The following RBMS1 variants were observed in gnomAD, a reference collection of about 807,000 sequenced individuals.
RBMS1 encodes RNA-binding motif, single-stranded-interacting protein 1.
RBMS1 carries 17 observed loss-of-function variants against 62.3 expected under a neutral mutation model. The ratio of observed to expected loss-of-function variants is 0.27; its 90% CI spans 0.19 to 0.41. The LOEUF is 0.41. Among genes scored for constraint, RBMS1 ranks in the 10% least tolerant of loss-of-function variants. RBMS1 has a pLI of 1.00. For missense variants in RBMS1, 334 were observed against 504.5 expected (o/e 0.66, Z 3.24); for synonymous variants, 172 against 170.0 (o/e 1.01, Z -0.09).
At chr2:160,396,988 C>T (rs1695181777) in intron 1 of RBMS1, among the ~76,000 whole-genome samples, 1 of 152,204 alleles carries the variant, frequency 6.6e-6, no homozygotes, top group South Asian at 2.1e-4. Context: ...CATTGTCTTT[C>T]TTGATTTCAC....
In RBMS1 at chr2:160,281,374, G is replaced by A; in HGVS notation, c.901-10C>T. 6.3e-7 allele frequency: 1 copy of A among 1,599,282 alleles called. No homozygotes were observed. Among genetic ancestry groups the A allele is most frequent in the Non-Finnish European group, 8.6e-7 (1 of 1,168,628 alleles). ...ACGAAGGACTTTGCACCTAGAAAAG[G>A]GAGGATTTTGAAAGAAATATTGATT... On this transcript the variant is annotated splice_polypyrimidine_tract_variant and intron_variant, in intron 9 of 13. Transcript: ENST00000348849.
intron 2 of RBMS1, among the ~76,000 whole-genome samples, chr2:160,354,402 A>G (rs2106009480): frequency 6.6e-6 from 1 of 152,210 alleles, no homozygotes; most frequent in Admixed American, 6.5e-5. Flanking sequence ...AGGGGCATTG[A>G]AATAGGTTAA....
intron 1 of RBMS1, among the ~76,000 whole-genome samples, chr2:160,478,987 C>T (rs1233607535): frequency 1.3e-5 from 2 of 152,150 alleles, no homozygotes; most frequent in Non-Finnish European, 2.9e-5. Flanking sequence ...TTCCCATCAG[C>T]GTGGTGAACG....
intron 6 of RBMS1, among the ~76,000 whole-genome samples, chr2:160,296,641 G>A (rs1218511550): frequency 6.6e-6 from 1 of 152,168 alleles, no homozygotes; most frequent in Admixed American, 6.5e-5. Context: ...TCTTGGCTGT[G>A]TCTCATGTGA....
chr2:160,407,370 G>A, intron 1 of RBMS1: 1 of 985,648 alleles, frequency 1.0e-6, no homozygotes, highest in Non-Finnish European at 1.2e-6. Context: ...CCGCCCAGCC[G>A]GTCCCTCCGA....
intron 1 of RBMS1, among the ~76,000 whole-genome samples, chr2:160,389,319 A>G (rs1694737370): frequency 6.6e-6 from 1 of 152,238 alleles, no homozygotes; most frequent in South Asian, 2.1e-4. Flanking sequence ...CATAAATGCT[A>G]TTGTTACAAA....
At chr2:160,380,393 G>C (rs1694221497) in intron 1 of RBMS1, among the ~76,000 whole-genome samples, 1 of 152,104 alleles carries the variant, frequency 6.6e-6, no homozygotes, top group Non-Finnish European at 1.5e-5. Context: ...AGGGCAGACA[G>C]GAACAGCATT....
intron 2 of RBMS1, among the ~76,000 whole-genome samples, chr2:160,332,565 A>C (rs1691339942): frequency 6.6e-6 from 1 of 152,236 alleles, no homozygotes; most frequent in Non-Finnish European, 1.5e-5. Context: ...CTGCTGAATT[A>C]GCAGAACACA....
chr2:160,407,843 G>C, intron 1 of RBMS1: 3 of 981,292 alleles, frequency 3.1e-6, no homozygotes, highest in Non-Finnish European at 3.6e-6. Context: ...CGACTCTCCC[G>C]GCGGCAGCGG....
At chr2:160,358,266 G>A (rs191534300) in intron 2 of RBMS1, among the ~76,000 whole-genome samples, 1 of 152,182 alleles carries the variant, frequency 6.6e-6, no homozygotes, top group Admixed American at 6.5e-5. Context: ...AACCTTACTG[G>A]AATACTGTCC....
intron 1 of RBMS1, among the ~76,000 whole-genome samples, chr2:160,427,305 T>C (rs1278834696): frequency 1.3e-5 from 2 of 152,282 alleles, no homozygotes; most frequent in East Asian, 3.9e-4. Context: ...CCATCATAGC[T>C]AAAACTGTAC....
At chr2:160,312,935 T>G (rs1690011143) in intron 4 of RBMS1, among the ~76,000 whole-genome samples, 1 of 152,132 alleles carries the variant, frequency 6.6e-6, no homozygotes, top group South Asian at 2.1e-4. Flanking sequence ...CTATGTAAAT[T>G]TTATATATTT....
chr2:160,329,258 T>C (rs1457911595), intron 2 of RBMS1, among the ~76,000 whole-genome samples: 3 of 152,156 alleles, frequency 2.0e-5, no homozygotes, highest in Non-Finnish European at 2.9e-5. Context: ...GGGGATAGGA[T>C]ATAAACATAT....
chr2:160,416,904 A>T (rs1696232079), intron 1 of RBMS1, among the ~76,000 whole-genome samples: 1 of 152,152 alleles, frequency 6.6e-6, no homozygotes, highest in African/African-American at 2.4e-5. Flanking sequence ...TCATAGTTCT[A>T]CCGCAGGACT....
At chr2:160,458,702 C>G (rs1684343541) in intron 1 of RBMS1, among the ~76,000 whole-genome samples, 1 of 151,528 alleles carries the variant, frequency 6.6e-6, no homozygotes, top group Non-Finnish European at 1.5e-5. Flanking sequence ...GAGGCTGAGG[C>G]AGGAGAATCA....
intron 1 of RBMS1, among the ~76,000 whole-genome samples, chr2:160,372,359 G>GACC (rs1174329114): frequency 6.6e-6 from 1 of 151,540 alleles, no homozygotes; most frequent in Non-Finnish European, 1.5e-5. Context: ...CCACCACCAC[G>GACC]ACCACCACCA....
chr2:160,272,449 A>G lies in RBMS1; in HGVS notation c.*2323T>C, dbSNP rs998140104. On this transcript the variant is annotated 3_prime_UTR_variant, in exon 14 of 14. Coordinates refer to ENST00000348849, the MANE Select transcript of RBMS1 (RefSeq NM_016836.4). Reference sequence around the variant, plus strand: ...CATAAATTAATTTTTTTATAATTTAATGGCTGTCTACTATGTGATGTTTAA... The same window carrying G: ...CATAAATTAATTTTTTTATAATTTAGTGGCTGTCTACTATGTGATGTTTAA... 1 of 152,062 alleles carries G rather than the reference A, an allele frequency of 6.6e-6. No individual in the cohort carries two copies. The highest frequency in any genetic ancestry group is 1.5e-5 in the Non-Finnish European group (1 of 68,018). The allele number at this position is 152,062 out of a possible 1,614,324, so 9.4% of individuals were successfully genotyped here. A position where few individuals can be genotyped will look rare whatever the true frequency, so the allele number is the denominator to read the frequency against.
chr2:160,433,104 C>G (rs932204592), intron 1 of RBMS1, among the ~76,000 whole-genome samples: 1 of 137,030 alleles, frequency 7.3e-6, no homozygotes, highest in Non-Finnish European at 1.6e-5. Context: ...GGTTTTGATA[C>G]GAATATTAAA....
chr2:160,311,069 C>T (rs970195221), intron 4 of RBMS1, among the ~76,000 whole-genome samples: 1 of 151,464 alleles, frequency 6.6e-6, no homozygotes, highest in African/African-American at 2.4e-5. Flanking sequence ...TGGCATGTGC[C>T]TGTAATCCCA....
Sources: allele counts gnomAD v4.1 joint callset (sites outside exome capture counted in the v4.1 genomes callset), GRCh38; gene constraint gnomAD v4.1.1; transcripts MANE v1.5; gene names NCBI Gene and HGNC (gene_info 2026-07-23, HGNC 2026-07-21).